The following ENTPD1 variants were observed in gnomAD, a reference collection of about 807,000 sequenced individuals.
ENTPD1 encodes the protein ATP diphosphohydrolase.
ENTPD1 carries 33 observed loss-of-function variants against 57.0 expected under a neutral mutation model. That is an observed-to-expected ratio of 0.58 (90% CI 0.44 to 0.77). The LOEUF is 0.77. Ranked by LOEUF, ENTPD1 falls within the 30% of genes least tolerant of loss-of-function variation. The probability of loss-of-function intolerance (pLI) is 0.00; values close to 1 mark genes in which losing one functional copy is unlikely to be tolerated. For synonymous variants in ENTPD1, 202 were observed against 218.8 expected (o/e 0.92, Z 0.68); for missense variants, 501 against 603.4 (o/e 0.83, Z 1.78).
intron 2 of ENTPD1, among the ~76,000 whole-genome samples, chr10:95,827,974 T>G (rs2098383578): frequency 1.3e-5 from 2 of 152,084 alleles, no homozygotes; most frequent in Non-Finnish European, 2.9e-5. Context: ...ACTGAAGCCT[T>G]AGAAATGGAT....
chr10:95,771,784 A>G (rs181129877), intron 1 of ENTPD1, among the ~76,000 whole-genome samples: 1 of 152,300 alleles, frequency 6.6e-6, no homozygotes, highest in Admixed American at 6.5e-5. Flanking sequence ...ATGTTTTCCC[A>G]TTAGTCAAGA....
chr10:95,755,697 C>A, upstream of ENTPD1: 2 of 1,537,166 alleles, frequency 1.3e-6, no homozygotes, highest in South Asian at 2.4e-5. Flanking sequence ...GATTGCTGGT[C>A]ATGGGACCAG....
At chr10:95,720,381 G>A (rs1409347288) in intron 1 of ENTPD1, among the ~76,000 whole-genome samples, 3 of 152,172 alleles carry the variant, frequency 2.0e-5, no homozygotes, top group African/African-American at 4.8e-5. Flanking sequence ...TAACAGGGGA[G>A]TGGGGCTTTC....
intron 1 of ENTPD1, among the ~76,000 whole-genome samples, chr10:95,802,377 G>T (rs1009735483): frequency 6.6e-6 from 1 of 151,916 alleles, no homozygotes; most frequent in African/African-American, 2.4e-5. Context: ...GTTGTAAAAT[G>T]TTTCTTTTCT....
chr10:95,776,396 G>A (rs546995462), intron 1 of ENTPD1, among the ~76,000 whole-genome samples: 88 of 152,270 alleles, frequency 5.8e-4, no homozygotes, highest in Non-Finnish European at 1.0e-3. Context: ...CTTCACTTAT[G>A]AAGCTTAGTT....
At chr10:95,852,547 G>C (rs1458247430) in intron 7 of ENTPD1, among the ~76,000 whole-genome samples, 1 of 152,110 alleles carries the variant, frequency 6.6e-6, no homozygotes, top group African/African-American at 2.4e-5. Context: ...TTTCTTCTAG[G>C]GTTTTTATGG....
At chr10:95,832,887 A>G (rs1237151698) in intron 2 of ENTPD1, among the ~76,000 whole-genome samples, 3 of 152,230 alleles carry the variant, frequency 2.0e-5, no homozygotes, top group Non-Finnish European at 4.4e-5. Flanking sequence ...GAGGTCCTCA[A>G]TGGAGACTAC....
intron 1 of ENTPD1, among the ~76,000 whole-genome samples, chr10:95,732,916 A>C (rs1280426576): frequency 6.6e-6 from 1 of 152,244 alleles, no homozygotes; most frequent in Non-Finnish European, 1.5e-5. Flanking sequence ...GGGTGAGATC[A>C]CAGGACGGGG....
intron 8 of ENTPD1, among the ~76,000 whole-genome samples, chr10:95,863,715 G>C (rs1480885563): frequency 1.3e-5 from 2 of 152,196 alleles, no homozygotes; most frequent in African/African-American, 4.8e-5. Context: ...GGAAGGGAGA[G>C]AAATCTGGGA....
chr10:95,872,962 G>T lies in ENTPD1; in HGVS notation c.*6579G>T, dbSNP rs1444125956. ...CTTCATTGTACACATTATTAAAACAGAATTTTAAGGATTAGAATGAACCTT... is the reference window on the plus strand; with the variant it reads ...CTTCATTGTACACATTATTAAAACATAATTTTAAGGATTAGAATGAACCTT... On this transcript the variant is annotated 3_prime_UTR_variant, in exon 10 of 10. Transcript: ENST00000371205. 1.0e-6 allele frequency: 1 copy of T among 985,190 alleles called. No homozygotes were observed. The highest frequency in any genetic ancestry group is 1.2e-6 in the Non-Finnish European group (1 of 829,918). 61.0% of individuals were successfully genotyped at this position (985,190 alleles called of 1,614,324 possible).
At chr10:95,756,480 G>A in intron 1 of ENTPD1, 1 of 583,412 alleles carries the variant, frequency 1.7e-6, no homozygotes, top group Admixed American at 3.1e-5. Flanking sequence ...GCAAGCTGGA[G>A]GGGCTCATGA....
intron 1 of ENTPD1, among the ~76,000 whole-genome samples, chr10:95,784,744 T>C (rs889627738): frequency 3.3e-5 from 5 of 151,972 alleles, no homozygotes; most frequent in Admixed American, 6.6e-5. Flanking sequence ...GAGCTACCCA[T>C]TGGAGGAGGA....
At chr10:95,853,463 A>G (rs1225216977) in intron 7 of ENTPD1, among the ~76,000 whole-genome samples, 1 of 152,068 alleles carries the variant, frequency 6.6e-6, no homozygotes, top group Non-Finnish European at 1.5e-5. Flanking sequence ...AACTTCCAAC[A>G]CTATGTTGAA....
intron 2 of ENTPD1, chr10:95,833,754 G>T: frequency 6.5e-6 from 1 of 153,388 alleles, no homozygotes; most frequent in South Asian, 1.8e-4. Context: ...TGGCAGGCTT[G>T]GTGTCTGGTA....
At chr10:95,767,754 C>G (rs981306893) in intron 1 of ENTPD1, among the ~76,000 whole-genome samples, 7 of 152,040 alleles carry the variant, frequency 4.6e-5, no homozygotes, top group Admixed American at 4.6e-4. Context: ...CTTTCCCCCT[C>G]AAGTCATTGG....
chr10:95,714,531 A>G (rs2097969333), intron 1 of ENTPD1, among the ~76,000 whole-genome samples: 1 of 152,152 alleles, frequency 6.6e-6, no homozygotes, highest in South Asian at 2.1e-4. Context: ...TTTGTTGCCA[A>G]CTTGCAGTCT....
intron 8 of ENTPD1, 122 bp downstream of exon 8, chr10:95,860,704 G>C: frequency 1.3e-6 from 1 of 797,386 alleles, no homozygotes. Context: ...ATGTGTTAGA[G>C]AAGACCAGAT....
At chr10:95,777,134 G>A (rs1264748216) in intron 1 of ENTPD1, among the ~76,000 whole-genome samples, 7 of 152,202 alleles carry the variant, frequency 4.6e-5, no homozygotes, top group Admixed American at 4.6e-4. Context: ...ACTTCTGTCA[G>A]CTCGTCAAAG....
At chr10:95,811,223 C>A (rs752298537) in intron 1 of ENTPD1, among the ~76,000 whole-genome samples, 1 of 152,094 alleles carries the variant, frequency 6.6e-6, no homozygotes, top group Non-Finnish European at 1.5e-5. Context: ...ACAATTCTGC[C>A]CAAAGAGTAC....
Sources: allele counts gnomAD v4.1 joint callset (sites outside exome capture counted in the v4.1 genomes callset), GRCh38; gene constraint gnomAD v4.1.1; transcripts MANE v1.5; gene names NCBI Gene and HGNC (gene_info 2026-07-23, HGNC 2026-07-21).